The following WWOX variants were observed in gnomAD, a reference collection of about 807,000 sequenced individuals.
WWOX encodes the protein WW domain-containing oxidoreductase.
WWOX carries 69 observed loss-of-function variants against 46.2 expected under a neutral mutation model. That is an observed-to-expected ratio of 1.49 (90% CI 1.23 to 1.82). The LOEUF is 1.82. Ranked by LOEUF, WWOX falls within the 40% of genes most tolerant of loss-of-function variation. The pLI is 0.00. For synonymous variants in WWOX, 359 were observed against 202.6 expected (o/e 1.77, Z -6.56); for missense variants, 919 against 542.6 (o/e 1.69, Z -6.89).
At chr16:78,747,948 G>C (rs774233579) in intron 8 of WWOX, among the ~76,000 whole-genome samples, 1 of 152,184 alleles carries the variant, frequency 6.6e-6, no homozygotes, top group Non-Finnish European at 1.5e-5. Context: ...TCCTGCAGCC[G>C]AAATAACCAT....
At position 78,556,246 on chromosome 16, in the gene WWOX, C is replaced by G. The variant is rs542649280; in HGVS notation, c.1056+123494C>G. Among the ~76,000 whole-genome samples, 4 of 149,472 alleles carry G rather than the reference C, an allele frequency of 2.7e-5. No homozygotes were observed. The East Asian group carries it at 7.9e-4, about 29-fold the overall frequency. On this transcript the variant is annotated intron_variant, in intron 8 of 8. Transcript: ENST00000566780. ...AGGGAGTTTGGAAATAAACAGGGTACTTTCCCTCCTCCTCTAAAAAAAAAA... is the reference window on the plus strand; with the variant it reads ...AGGGAGTTTGGAAATAAACAGGGTAGTTTCCCTCCTCCTCTAAAAAAAAAA...
chr16:78,557,751 A>G (rs1179813493), intron 8 of WWOX, among the ~76,000 whole-genome samples: 1 of 134,542 alleles, frequency 7.4e-6, no homozygotes, highest in Admixed American at 8.1e-5. Flanking sequence ...GCTGGAGTGC[A>G]GTGGCGCGAT....
intron 8 of WWOX, among the ~76,000 whole-genome samples, chr16:78,743,978 G>T (rs1466492963): frequency 6.6e-6 from 1 of 152,146 alleles, no homozygotes; most frequent in East Asian, 1.9e-4. Flanking sequence ...CTCTACTTTT[G>T]TTGTTTCATT....
intron 8 of WWOX, among the ~76,000 whole-genome samples, chr16:78,439,136 A>C (rs1035853302): frequency 6.6e-6 from 1 of 152,204 alleles, no homozygotes; most frequent in Non-Finnish European, 1.5e-5. Flanking sequence ...TTGGTGTATC[A>C]CATACAAGGC....
chr16:78,107,403 A>T (rs1304851399), intron 1 of WWOX, among the ~76,000 whole-genome samples: 1 of 152,242 alleles, frequency 6.6e-6, no homozygotes, highest in Non-Finnish European at 1.5e-5. Flanking sequence ...TCAGAATAAC[A>T]GCTTACATTT....
intron 8 of WWOX, among the ~76,000 whole-genome samples, chr16:78,501,193 C>CTTTTTT (rs1218791135): frequency 4.4e-5 from 4 of 90,954 alleles, no homozygotes; most frequent in African/African-American, 1.3e-4. Context: ...CTTTCTTTCT[C>CTTTTTT]TTTTTTTTTT....
intron 6 of WWOX, among the ~76,000 whole-genome samples, chr16:78,389,002 G>T (rs566673456): frequency 6.6e-6 from 1 of 151,312 alleles, no homozygotes; most frequent in South Asian, 2.1e-4. Flanking sequence ...TCAGGCTCTT[G>T]CTGGAGTATG....
At position 79,211,831 on chromosome 16, in the gene WWOX, C is replaced by A. The variant is rs1473298022; in HGVS notation, c.*35C>A. 1 of 1,613,006 alleles carries A rather than the reference C, an allele frequency of 6.2e-7. No individual in the cohort carries two copies. The highest frequency in any genetic ancestry group is 1.1e-5 in the South Asian group (1 of 90,990). Reference sequence around the variant, plus strand: ...AGAGCGGATGGGCACACACACCCGCCCTGTGTGTGTCCCCTCACGCAAGTG... The same window carrying A: ...AGAGCGGATGGGCACACACACCCGCACTGTGTGTGTCCCCTCACGCAAGTG... On this transcript the variant is annotated 3_prime_UTR_variant, in exon 9 of 9. Coordinates refer to ENST00000566780, the MANE Select transcript of WWOX (RefSeq NM_016373.4).
At chr16:78,994,347 G>T (rs1305139238) in intron 8 of WWOX, 2 of 152,116 alleles carry the variant, frequency 1.3e-5, no homozygotes, top group African/African-American at 2.4e-5. Context: ...GAAAAAGGAC[G>T]TAATGTGCTT....
chr16:78,320,444 T>C (rs986837474), intron 5 of WWOX, among the ~76,000 whole-genome samples: 1 of 152,188 alleles, frequency 6.6e-6, no homozygotes, highest in Non-Finnish European at 1.5e-5. Flanking sequence ...TGTGCATTTG[T>C]TTTTAAGTCC....
chr16:79,107,511 C>T (rs1023870756), intron 8 of WWOX, among the ~76,000 whole-genome samples: 1 of 152,232 alleles, frequency 6.6e-6, no homozygotes, highest in African/African-American at 2.4e-5. Context: ...TGCCCAAGCA[C>T]AGTGTGAAAT....
chr16:78,345,307 T>A (rs1177249542), intron 5 of WWOX, among the ~76,000 whole-genome samples: 1 of 112,706 alleles, frequency 8.9e-6, no homozygotes, highest in Non-Finnish European at 2.1e-5. Flanking sequence ...ACAATTACTT[T>A]TGTACCAACG....
At position 78,309,294 on chromosome 16, in the gene WWOX, G is replaced by A. The variant is rs369622216; in HGVS notation, c.517-77566G>A. On this transcript the variant is annotated intron_variant, in intron 5 of 8. Coordinates refer to ENST00000566780, the MANE Select transcript of WWOX (RefSeq NM_016373.4). The stretch of plus-strand genomic sequence containing the variant: ...CTCTGCGTTCATTCTGCTTCCTGCC[G>A]CTTTGTGAACCTGGTGCTTTGCTTC... Among the ~76,000 whole-genome samples the A allele has an allele frequency of 5.3e-5, 8 of 152,210 alleles. No homozygotes were observed. In the East Asian group the frequency reaches 1.4e-3, roughly 26 times the overall value.
At chr16:79,124,640 A>G (rs923767821) in intron 8 of WWOX, among the ~76,000 whole-genome samples, 4 of 152,212 alleles carry the variant, frequency 2.6e-5, no homozygotes, top group South Asian at 2.1e-4. Flanking sequence ...AATGATGAAT[A>G]TGTTCAGGGA....
intron 4 of WWOX, among the ~76,000 whole-genome samples, chr16:78,158,805 A>C (rs1261939932): frequency 6.6e-6 from 1 of 152,172 alleles, no homozygotes; most frequent in Non-Finnish European, 1.5e-5. Context: ...ATAAGTATAT[A>C]CCTGTGAAAC....
intron 8 of WWOX, among the ~76,000 whole-genome samples, chr16:78,603,636 G>C (rs761945615): frequency 3.9e-5 from 6 of 152,192 alleles, no homozygotes; most frequent in African/African-American, 1.4e-4. Context: ...GGAGGTTGCA[G>C]TGAACTAAGA....
chr16:79,166,931 C>T (rs1181119478), intron 8 of WWOX, among the ~76,000 whole-genome samples: 1 of 151,984 alleles, frequency 6.6e-6, no homozygotes, highest in East Asian at 1.9e-4. Context: ...ATTTCAACTT[C>T]ATCATATATA....
intron 5 of WWOX, among the ~76,000 whole-genome samples, chr16:78,366,243 T>G (rs543748762): frequency 2.6e-5 from 4 of 152,362 alleles, no homozygotes; most frequent in South Asian, 2.1e-4. Flanking sequence ...AACGCTGTTA[T>G]GTACGAAGTG....
At chr16:78,950,711 C>T (rs1277611020) in intron 8 of WWOX, among the ~76,000 whole-genome samples, 1 of 152,142 alleles carries the variant, frequency 6.6e-6, no homozygotes, top group Non-Finnish European at 1.5e-5. Flanking sequence ...GTAATGGTTT[C>T]TCTTAGACAC....
Sources: gnomAD v4.1 joint callset for allele counts (sites outside exome capture counted in the v4.1 genomes callset) on GRCh38, gnomAD v4.1.1 for gene constraint, MANE v1.5 for transcripts, NCBI Gene and HGNC (gene_info 2026-07-23, HGNC 2026-07-21) for gene names.